The following LHFPL3 variants were observed in gnomAD, a reference collection of about 807,000 sequenced individuals.
LHFPL3 encodes the protein LHFPL tetraspan subfamily member 3, also known as LHFPL tetraspan subfamily member 3 protein.
LHFPL3 carries 5 observed loss-of-function variants against 19.3 expected under a neutral mutation model. The ratio of observed to expected loss-of-function variants is 0.26; its 90% CI spans 0.14 to 0.54. LHFPL3 has a LOEUF of 0.54. LHFPL3 is among the 20% of genes least tolerant of loss of function. The pLI is 0.94. For missense variants in LHFPL3, 249 were observed against 307.4 expected, an observed-to-expected ratio of 0.81 and a Z score of 1.42; for synonymous variants, 133 against 126.2, an observed-to-expected ratio of 1.05 and a Z score of -0.36.
intron 2 of LHFPL3, chr7:104,796,952 A>T (rs1790146587): frequency 6.6e-6 from 1 of 152,566 alleles, no homozygotes; most frequent in South Asian, 2.1e-4. Context: ...AACATATCCT[A>T]AAAAAATGAA....
intron 1 of LHFPL3, among the ~76,000 whole-genome samples, chr7:104,731,728 C>T (rs1793709134): frequency 1.3e-5 from 2 of 151,720 alleles, no homozygotes; most frequent in East Asian, 1.9e-4. Flanking sequence ...TTTCTCCTGC[C>T]TGATTGCCCT....
At chr7:104,595,696 T>C (rs1343563848) in intron 1 of LHFPL3, among the ~76,000 whole-genome samples, 1 of 152,272 alleles carries the variant, frequency 6.6e-6, no homozygotes, top group African/African-American at 2.4e-5. Flanking sequence ...GTAGGCCTTG[T>C]TGAGCTGTGG....
intron 1 of LHFPL3, among the ~76,000 whole-genome samples, chr7:104,608,733 T>C (rs1791154807): frequency 6.6e-6 from 1 of 152,124 alleles, no homozygotes; most frequent in African/African-American, 2.4e-5. Context: ...GCCCTTGTTT[T>C]TTTGAAGTGA....
chr7:104,558,043 G>A (rs1358542715), intron 1 of LHFPL3, among the ~76,000 whole-genome samples: 2 of 149,460 alleles, frequency 1.3e-5, no homozygotes, highest in African/African-American at 5.0e-5. Context: ...ATTCCATGGT[G>A]TATATGTGCC....
intron 1 of LHFPL3, among the ~76,000 whole-genome samples, chr7:104,648,788 G>C (rs1791976031): frequency 1.3e-5 from 2 of 152,204 alleles, no homozygotes; most frequent in South Asian, 4.1e-4. Context: ...GGCTCTAAAA[G>C]TAAAGTTGTT....
intron 2 of LHFPL3, among the ~76,000 whole-genome samples, chr7:104,746,855 G>A (rs1312576020): frequency 1.3e-5 from 2 of 152,162 alleles, no homozygotes; most frequent in African/African-American, 4.8e-5. Flanking sequence ...CATTTATATA[G>A]TGTTTGATTA....
chr7:104,617,342 T>C (rs921938464), intron 1 of LHFPL3, among the ~76,000 whole-genome samples: 2 of 152,152 alleles, frequency 1.3e-5, no homozygotes, highest in African/African-American at 4.8e-5. Context: ...TCATCTTAAA[T>C]TGTAACACAA....
At chr7:104,351,911 C>T (rs913722746) in intron 1 of LHFPL3, among the ~76,000 whole-genome samples, 15 of 152,130 alleles carry the variant, frequency 9.9e-5, no homozygotes, top group African/African-American at 3.4e-4. Flanking sequence ...AGACCTAATA[C>T]AACTAGGCCA....
chr7:104,816,288 T>C (rs1398903308), intron 2 of LHFPL3, among the ~76,000 whole-genome samples: 4 of 152,180 alleles, frequency 2.6e-5, no homozygotes. Flanking sequence ...CTCATACCTA[T>C]TACAGAAACC....
chr7:104,569,195 G>A (rs987567390), intron 1 of LHFPL3, among the ~76,000 whole-genome samples: 1 of 152,020 alleles, frequency 6.6e-6, no homozygotes, highest in South Asian at 2.1e-4. Context: ...CTTTGGCCAT[G>A]GTGTCTCTTA....
At chr7:104,793,711 A>C (rs765849222) in intron 2 of LHFPL3, among the ~76,000 whole-genome samples, 1 of 152,140 alleles carries the variant, frequency 6.6e-6, no homozygotes, top group Non-Finnish European at 1.5e-5. Flanking sequence ...GTCTCTAACT[A>C]TGGAAGATTA....
chr7:104,496,763 G>A (rs972641269), intron 1 of LHFPL3, among the ~76,000 whole-genome samples: 1 of 152,108 alleles, frequency 6.6e-6, no homozygotes, highest in African/African-American at 2.4e-5. Flanking sequence ...ATGAAATGAA[G>A]CCCCTGAATA....
intron 1 of LHFPL3, among the ~76,000 whole-genome samples, chr7:104,430,227 A>C (rs1216518507): frequency 6.7e-6 from 1 of 150,364 alleles, no homozygotes; most frequent in Non-Finnish European, 1.5e-5. Context: ...TCTGTTCTCT[A>C]TGAAAGATAA....
chr7:104,601,974 A>G (rs1222968951), intron 1 of LHFPL3, among the ~76,000 whole-genome samples: 2 of 151,776 alleles, frequency 1.3e-5, no homozygotes, highest in Non-Finnish European at 2.9e-5. Flanking sequence ...CATCTCCTTC[A>G]AAACACACAA....
At chr7:104,823,290 C>T (rs1416894974) in intron 2 of LHFPL3, among the ~76,000 whole-genome samples, 1 of 152,152 alleles carries the variant, frequency 6.6e-6, no homozygotes, top group Non-Finnish European at 1.5e-5. Context: ...AGGTTCTAGG[C>T]CCAGTCCTGC....
chr7:104,651,500 C>T (rs150270864), intron 1 of LHFPL3, among the ~76,000 whole-genome samples: 18 of 152,314 alleles, frequency 1.2e-4, no homozygotes, highest in Non-Finnish European at 2.6e-4. Context: ...AAATGCTTGC[C>T]CTGGCACATG....
At chr7:104,672,955 C>G (rs555660210) in intron 1 of LHFPL3, among the ~76,000 whole-genome samples, 1 of 152,184 alleles carries the variant, frequency 6.6e-6, no homozygotes, top group East Asian at 1.9e-4. Flanking sequence ...TCAGATGACT[C>G]TCTCAATACT....
chr7:104,548,301 A>T, intron 1 of LHFPL3, among the ~76,000 whole-genome samples: 1 of 152,230 alleles, frequency 6.6e-6, no homozygotes, highest in Non-Finnish European at 1.5e-5. Context: ...GTTCAATAAA[A>T]TGAAAGTAAG....
At chr7:104,333,554 T>A (rs994483227) in intron 1 of LHFPL3, among the ~76,000 whole-genome samples, 1 of 152,194 alleles carries the variant, frequency 6.6e-6, no homozygotes, top group Non-Finnish European at 1.5e-5. Context: ...AGGGTTGAAT[T>A]GTTTAGTCTG....
Sources: gnomAD v4.1 joint callset for allele counts (sites outside exome capture counted in the v4.1 genomes callset) on GRCh38, gnomAD v4.1.1 for gene constraint, MANE v1.5 for transcripts, NCBI Gene and HGNC (gene_info 2026-07-23, HGNC 2026-07-21) for gene names.